Variants in TYW1 observed in about 807,000 individuals in gnomAD.
TYW1 encodes tRNA-yW synthesizing protein 1 homolog, also known as S-adenosyl-L-methionine-dependent tRNA 4-demethylwyosine synthase TYW1.
TYW1 carries 46 observed loss-of-function variants against 96.2 expected under a neutral mutation model. The ratio of observed to expected loss-of-function variants is 0.48; its 90% confidence interval spans 0.38 to 0.61. TYW1 has a LOEUF of 0.61. Ranked by LOEUF, TYW1 falls within the 20% of genes least tolerant of loss-of-function variation. TYW1 has a pLI of 0.00. For missense variants in TYW1, 684 were observed against 909.6 expected, an observed-to-expected ratio of 0.75 and a Z score of 3.19; for synonymous variants, 274 against 323.0, an observed-to-expected ratio of 0.85 and a Z score of 1.63.
Position 67,024,934 on chromosome 7 carries a change from A to C in TYW1, c.896A>C (p.Glu299Ala). Reference protein sequence around the residue: ...EEPFESSSEEEFGGEDHQSLN... With the variant: ...EEPFESSSEEAFGGEDHQSLN... Reference sequence around the variant, plus strand: ...CCCTTTGAGAGCTCCAGTGAAGAAGAGTTTGGTGGTGAGGACCATCAGAGC... The same window carrying C: ...CCCTTTGAGAGCTCCAGTGAAGAAGCGTTTGGTGGTGAGGACCATCAGAGC... The change falls in exon 7 of 16, where the codon GAG becomes GCG. Residue 299 changes from glutamate to alanine, a missense_variant. Transcript: ENST00000359626. The C allele has an allele frequency of 1.2e-6, 2 of 1,613,874 alleles. No homozygotes were observed. Among genetic ancestry groups the C allele is most frequent in the Non-Finnish European group, 1.7e-6 (2 of 1,179,832 alleles).
At position 67,233,156 on chromosome 7, in the gene TYW1, A is replaced by G. The variant is rs559385372; in HGVS notation, c.1978-5152A>G. On this transcript the variant is annotated intron_variant, in intron 15 of 15. Transcript: ENST00000359626. ...ACCCATCATCTGTTCAGCTTCTGAAAGTCCAATACTGTTTTCTCCTCTCCT... is the reference window on the plus strand; with the variant it reads ...ACCCATCATCTGTTCAGCTTCTGAAGGTCCAATACTGTTTTCTCCTCTCCT... Among the ~76,000 whole-genome samples, 13 of 105,202 alleles carry G rather than the reference A, an allele frequency of 1.2e-4. 1 individual carries two copies. The East Asian group carries it at 2.4e-3, about 20-fold the overall frequency. 69.0% of individuals were successfully genotyped at this position (105,202 alleles called of 152,430 possible).
intron 13 of TYW1, among the ~76,000 whole-genome samples, chr7:67,134,910 C>T (rs557785131): frequency 1.4e-5 from 2 of 138,330 alleles, no homozygotes; most frequent in African/African-American, 5.5e-5. Context: ...GAGTTTGAGA[C>T]CAGCCTGAGC....
At chr7:67,154,713 C>G (rs13229085) in intron 13 of TYW1, among the ~76,000 whole-genome samples, 1 of 149,810 alleles carries the variant, frequency 6.7e-6, no homozygotes, top group South Asian at 2.1e-4. Flanking sequence ...ATCTGGTTGT[C>G]TATCTCTCTC....
At chr7:67,132,526 A>T (rs1798114294) in intron 13 of TYW1, among the ~76,000 whole-genome samples, 1 of 152,202 alleles carries the variant, frequency 6.6e-6, no homozygotes, top group Non-Finnish European at 1.5e-5. Context: ...TCCTTAAGCA[A>T]CTTGATTTAA....
chr7:67,141,044 T>C (rs1457718540), intron 13 of TYW1, among the ~76,000 whole-genome samples: 2 of 152,208 alleles, frequency 1.3e-5, no homozygotes, highest in Non-Finnish European at 2.9e-5. Flanking sequence ...AATAATAACC[T>C]AGAAAGCTAG....
intron 9 of TYW1, among the ~76,000 whole-genome samples, chr7:67,058,706 A>G (rs981774039): frequency 1.3e-5 from 2 of 151,626 alleles, no homozygotes; most frequent in Non-Finnish European, 2.9e-5. Flanking sequence ...GAACTCTTGG[A>G]CTCAGGTGAT....
intron 15 of TYW1, among the ~76,000 whole-genome samples, chr7:67,202,622 C>T (rs1800637765): frequency 6.6e-6 from 1 of 152,082 alleles, no homozygotes; most frequent in East Asian, 1.9e-4. Context: ...CTGTCAAACT[C>T]CTGGGCTCGA....
intron 12 of TYW1, among the ~76,000 whole-genome samples, chr7:67,108,661 C>T (rs1217550418): frequency 2.0e-5 from 3 of 151,708 alleles, no homozygotes; most frequent in African/African-American, 7.3e-5. Flanking sequence ...AGGCTGGTCT[C>T]GAACTCCTGA....
At chr7:67,188,039 G>T (rs1800083497) in intron 14 of TYW1, among the ~76,000 whole-genome samples, 1 of 152,194 alleles carries the variant, frequency 6.6e-6, no homozygotes, top group Admixed American at 6.5e-5. Context: ...AAAAATCATT[G>T]TCTGGGCCTC....
In TYW1 at chr7:67,055,754, A is replaced by ATTT. The variant is rs1036870883; in HGVS notation, c.1103-78_1103-76dup. On this transcript the variant is annotated intron_variant, in intron 8 of 15. Coordinates refer to ENST00000359626, the MANE Select transcript of TYW1 (RefSeq NM_018264.4). ...AATAATTTAGCAAAAAAAAAAAAAAATTTTTGCTAAATTTTAAAGTCACTT... is the reference window on the plus strand; with the variant it reads ...AATAATTTAGCAAAAAAAAAAAAAAATTTTTTTTGCTAAATTTTAAAGTCACTT... 755 of 1,204,336 alleles carry ATTT rather than the reference A, an allele frequency of 6.3e-4. 4 individuals carry two copies. In the African/African-American group the frequency reaches 7.0e-3, roughly 11 times the overall value. 74.6% of individuals were successfully genotyped at this position (1,204,336 alleles called of 1,614,324 possible). A position where few individuals can be genotyped will look rare whatever the true frequency, so the allele number is the denominator to read the frequency against.
intron 10 of TYW1, among the ~76,000 whole-genome samples, chr7:67,078,361 C>T (rs1203018118): frequency 6.6e-6 from 1 of 152,034 alleles, no homozygotes; most frequent in African/African-American, 2.4e-5. Context: ...TCCCAAAGTG[C>T]TGGGATTAGA....
At chr7:67,145,743 T>A (rs993725360) in intron 13 of TYW1, among the ~76,000 whole-genome samples, 6 of 149,828 alleles carry the variant, frequency 4.0e-5, no homozygotes, top group Admixed American at 4.0e-4. Flanking sequence ...AGCTTATGAT[T>A]TTTATGTTTT....
intron 3 of TYW1, among the ~76,000 whole-genome samples, chr7:67,005,366 C>T (rs561887260): frequency 6.6e-6 from 1 of 152,250 alleles, no homozygotes; most frequent in African/African-American, 2.4e-5. Flanking sequence ...GAGGCCAAGG[C>T]AGGTGGATCA....
chr7:67,115,090 T>C (rs998970049), intron 12 of TYW1, among the ~76,000 whole-genome samples: 8 of 152,190 alleles, frequency 5.3e-5, no homozygotes, highest in African/African-American at 1.9e-4. Flanking sequence ...AAAAGGAGTA[T>C]GGCCTTTGGA....
chr7:67,158,367 C>T (rs527663575), intron 13 of TYW1, among the ~76,000 whole-genome samples: 3 of 152,018 alleles, frequency 2.0e-5, no homozygotes, highest in Admixed American at 6.5e-5. Flanking sequence ...GGATCACAGG[C>T]GTGAGCCACC....
chr7:67,134,434 C>G (rs1798181528), intron 13 of TYW1, among the ~76,000 whole-genome samples: 1 of 151,578 alleles, frequency 6.6e-6, no homozygotes, highest in Non-Finnish European at 1.5e-5. Context: ...TTCAGCTACT[C>G]AGGAGGCTGA....
intron 13 of TYW1, among the ~76,000 whole-genome samples, chr7:67,131,312 A>G (rs181884840): frequency 7.4e-4 from 112 of 152,354 alleles, no homozygotes; most frequent in African/African-American, 2.6e-3. Context: ...TTACAAAATG[A>G]TGCCCTCTAT....
intron 15 of TYW1, among the ~76,000 whole-genome samples, chr7:67,212,968 C>T (rs1221758542): frequency 6.6e-6 from 1 of 152,040 alleles, no homozygotes; most frequent in African/African-American, 2.4e-5. Context: ...CTCTGCCCCC[C>T]AGGTTCAAAC....
chr7:67,032,359 A>G (rs148063392), intron 7 of TYW1, among the ~76,000 whole-genome samples: 6,080 of 152,112 alleles, frequency 0.04, 186 homozygotes, highest in Middle Eastern at 0.11. Context: ...TGAATTGCAC[A>G]TGTAATCCCA....
Sources: gnomAD v4.1 joint callset for allele counts (sites outside exome capture counted in the v4.1 genomes callset) on GRCh38, gnomAD v4.1.1 for gene constraint, MANE v1.5 for transcripts, NCBI Gene and HGNC (gene_info 2026-07-23, HGNC 2026-07-21) for gene names.